The following CHLSN variants were observed in gnomAD, a reference collection of about 807,000 sequenced individuals.
The protein encoded by CHLSN is protein cholesin.
At chr7:981,600 G>T in the CHLSN span, among the ~76,000 whole-genome samples, 1 of 152,264 alleles carries the variant, frequency 6.6e-6, no homozygotes, top group East Asian at 1.9e-4. Context: ...TGTAATCCCA[G>T]CTACTCGGGA....
the CHLSN span, among the ~76,000 whole-genome samples, chr7:1,103,609 G>C: frequency 2.0e-5 from 3 of 152,208 alleles, no homozygotes; most frequent in Admixed American, 1.3e-4. Context: ...CAGAAATTCA[G>C]ACCACGCTTT....
chr7:1,000,437 C>G, the CHLSN span: 1 of 1,157,804 alleles, frequency 8.6e-7, no homozygotes, highest in African/African-American at 1.7e-5. Flanking sequence ...ACCTCAGCCC[C>G]CAGGAGACGT....
chr7:1,088,495 C>G, the CHLSN span, among the ~76,000 whole-genome samples: 1 of 152,178 alleles, frequency 6.6e-6, no homozygotes, highest in African/African-American at 2.4e-5. This position sits in a 1 kb window ranked among gnomAD's most constrained non-coding sequence, Gnocchi z 4.5. Flanking sequence ...CCCTCTCCCC[C>G]GGAGCTCCGG....
At chr7:1,061,388 C>T in the CHLSN span, among the ~76,000 whole-genome samples, 1 of 152,026 alleles carries the variant, frequency 6.6e-6, no homozygotes, top group South Asian at 2.1e-4. Context: ...TCACTGTGCA[C>T]CATGGCCTGC....
the CHLSN span, among the ~76,000 whole-genome samples, chr7:1,083,002 G>A: frequency 6.6e-6 from 1 of 152,346 alleles, no homozygotes; most frequent in Non-Finnish European, 1.5e-5. Context: ...GTGGGGCTGG[G>A]ACAATGCCCA....
At chr7:993,170 G>A in the CHLSN span, among the ~76,000 whole-genome samples, 5 of 152,314 alleles carry the variant, frequency 3.3e-5, no homozygotes, top group East Asian at 1.9e-4. Context: ...TGCTTCTGAG[G>A]TCCCAGTGGG....
chr7:1,008,797 C>T, the CHLSN span, among the ~76,000 whole-genome samples: 15 of 149,132 alleles, frequency 1.0e-4, 1 homozygote, highest in African/African-American at 2.5e-4. Flanking sequence ...CATGTACACA[C>T]GTGTATACAT....
At chr7:1,105,041 T>C in the CHLSN span, among the ~76,000 whole-genome samples, 9 of 152,336 alleles carry the variant, frequency 5.9e-5, no homozygotes, top group South Asian at 8.3e-4. Context: ...ACAGGAAGAC[T>C]ACTCTTCTGC....
At chr7:1,010,556 C>T in the CHLSN span, among the ~76,000 whole-genome samples, 49 of 152,330 alleles carry the variant, frequency 3.2e-4, no homozygotes, top group East Asian at 8.7e-3. Context: ...GCCCCAGACC[C>T]GACCCAAATC....
chr7:1,060,025 A>G, the CHLSN span, among the ~76,000 whole-genome samples: 969 of 16,170 alleles, frequency 0.06, 2 homozygotes, highest in East Asian at 0.1. Flanking sequence ...TCCGTAGTGA[A>G]GCGGGTCCGT....
chr7:1,122,031 G>A, the CHLSN span, among the ~76,000 whole-genome samples: 41 of 152,302 alleles, frequency 2.7e-4, no homozygotes, highest in Non-Finnish European at 5.0e-4. Context: ...CCCTGCCCTC[G>A]ACTGAGGCTC....
the CHLSN span, among the ~76,000 whole-genome samples, chr7:1,059,952 G>T: frequency 9.3e-6 from 1 of 107,050 alleles, no homozygotes; most frequent in Admixed American, 9.5e-5. Context: ...CCGTAATGAG[G>T]CGGGTCTTAG....
At chr7:1,001,738 G>T in the CHLSN span, among the ~76,000 whole-genome samples, 1 of 94,664 alleles carries the variant, frequency 1.1e-5, no homozygotes. Context: ...CCTGTGGGTG[G>T]GGAGTCCTGT....
At chr7:1,052,997 C>T in the CHLSN span, among the ~76,000 whole-genome samples, 101 of 152,338 alleles carry the variant, frequency 6.6e-4, no homozygotes, top group African/African-American at 2.3e-3. This position sits in a 1 kb window ranked among gnomAD's most constrained non-coding sequence, Gnocchi z 4.2. Context: ...CCTGGCTCCC[C>T]GTTCCTCTTT....
At chr7:1,070,747 C>T in the CHLSN span, among the ~76,000 whole-genome samples, 2 of 150,226 alleles carry the variant, frequency 1.3e-5, no homozygotes, top group Admixed American at 6.6e-5. Flanking sequence ...CATATGCACA[C>T]AACGCACGCA....
the CHLSN span, among the ~76,000 whole-genome samples, chr7:1,001,695 C>T: frequency 1.0e-5 from 1 of 100,500 alleles, no homozygotes; most frequent in South Asian, 3.9e-4. Flanking sequence ...GTGGGGAGTC[C>T]TGCGGGTGGG....
At chr7:985,007 C>A in the CHLSN span, 3 of 1,611,504 alleles carry the variant, frequency 1.9e-6, no homozygotes, top group Non-Finnish European at 2.5e-6. Context: ...ACGGTGCGTG[C>A]CCTGCACAGC....
At chr7:1,072,781 G>A in the CHLSN span, among the ~76,000 whole-genome samples, 5 of 150,390 alleles carry the variant, frequency 3.3e-5, no homozygotes, top group Non-Finnish European at 5.9e-5. Context: ...CCCCCTGGGT[G>A]CAGGTGATTC....
At chr7:990,550 G>A in the CHLSN span, among the ~76,000 whole-genome samples, 1 of 151,992 alleles carries the variant, frequency 6.6e-6, no homozygotes, top group Non-Finnish European at 1.5e-5. Flanking sequence ...GGACGTGGTG[G>A]CCGGGACACA....
Sources: gnomAD v4.1 joint callset for allele counts (sites outside exome capture counted in the v4.1 genomes callset) on GRCh38, gnomAD v4.1.1 for gene constraint, Gnocchi (gnomAD v3.1) non-coding constraint, MANE v1.5 for transcripts, NCBI Gene and HGNC (gene_info 2026-07-23, HGNC 2026-07-21) for gene names.